Variants in ABI2 observed in about 807,000 individuals in gnomAD.
ABI2 encodes abelson interactor 2.
Under a neutral mutation model 59.2 loss-of-function variants are expected in ABI2, and 25 were observed. The observed-to-expected ratio is 0.42, with a 90% confidence interval of 0.31 to 0.59. The LOEUF is 0.59. ABI2 is among the 20% of genes least tolerant of loss of function. The pLI is 0.14. For missense variants in ABI2, 545 were observed against 681.8 expected, an observed-to-expected ratio of 0.80 and a Z score of 2.23; for synonymous variants, 213 against 235.5, an observed-to-expected ratio of 0.90 and a Z score of 0.87.
At chr2:203,341,896 T>C (rs2080144155) in intron 1 of ABI2, among the ~76,000 whole-genome samples, 1 of 152,186 alleles carries the variant, frequency 6.6e-6, no homozygotes. Context: ...TTACAGTTAC[T>C]TAGTGCAGGA....
intron 1 of ABI2, among the ~76,000 whole-genome samples, chr2:203,351,318 A>G (rs576904849): frequency 2.6e-5 from 4 of 152,226 alleles, no homozygotes; most frequent in Non-Finnish European, 4.4e-5. Context: ...TGGCTATTCT[A>G]TAGCCCCTGA....
At chr2:203,411,185 T>C (rs1013265282) in intron 9 of ABI2, 100 bp from the exon 10 acceptor site, 6 of 906,132 alleles carry the variant, frequency 6.6e-6, no homozygotes, top group Non-Finnish European at 1.1e-5. Flanking sequence ...TTGTGAATAG[T>C]AGTTTCCCTC....
intron 1 of ABI2, among the ~76,000 whole-genome samples, chr2:203,345,748 A>T (rs1362510601): frequency 6.7e-6 from 1 of 149,776 alleles, no homozygotes; most frequent in Non-Finnish European, 1.5e-5. Context: ...GTTTCACCAC[A>T]TTGGCCAGGC....
At chr2:203,367,246 C>G in intron 2 of ABI2, 1 of 632,004 alleles carries the variant, frequency 1.6e-6, no homozygotes, top group Non-Finnish European at 2.2e-6. Context: ...GAAAGTAAAT[C>G]GTAATGAATT....
intron 11 of ABI2, among the ~76,000 whole-genome samples, chr2:203,420,685 G>A (rs1216052777): frequency 2.0e-5 from 3 of 152,068 alleles, no homozygotes; most frequent in Admixed American, 6.6e-5. Flanking sequence ...GAGCCACCAC[G>A]CCCAGCCGAC....
intron 4 of ABI2, chr2:203,383,302 G>C (rs1174934354): frequency 1.9e-5 from 3 of 154,722 alleles, no homozygotes; most frequent in Non-Finnish European, 4.4e-5. Context: ...TGGATTGTTG[G>C]TTCCAAATCC....
At chr2:203,342,552 T>TTTTTTTTA (rs1553536730) in intron 1 of ABI2, among the ~76,000 whole-genome samples, 4 of 140,472 alleles carry the variant, frequency 2.8e-5, no homozygotes, top group Non-Finnish European at 3.1e-5. Context: ...CCTCAAAACC[T>TTTTTTTTA]TTTATTTATT....
At chr2:203,397,029 C>T (rs1306196153) in intron 8 of ABI2, 62 bp downstream of exon 8, 35 of 1,294,828 alleles carry the variant, frequency 2.7e-5, no homozygotes, top group Non-Finnish European at 3.0e-5. Context: ...CTTACTTGCA[C>T]CTCTGATTTT....
chr2:203,336,697 T>C (rs1194400527), intron 1 of ABI2, among the ~76,000 whole-genome samples: 7 of 152,186 alleles, frequency 4.6e-5, no homozygotes, highest in Non-Finnish European at 1.0e-4. Flanking sequence ...ACACAAGGGC[T>C]GTATCTTTTA....
intron 8 of ABI2, 36 bp downstream of exon 8, chr2:203,397,003 G>T: frequency 7.4e-7 from 1 of 1,352,682 alleles, no homozygotes; most frequent in Non-Finnish European, 9.5e-7. Flanking sequence ...GGCAGATGCA[G>T]TCATCTGGCT....
intron 11 of ABI2, among the ~76,000 whole-genome samples, chr2:203,419,066 G>A (rs2098053558): frequency 6.8e-6 from 1 of 146,562 alleles, no homozygotes; most frequent in African/African-American, 2.5e-5. Flanking sequence ...TCAACCCAGT[G>A]TTCTTTACTT....
At chr2:203,395,143 G>A in intron 6 of ABI2, 3 of 701,750 alleles carry the variant, frequency 4.3e-6, no homozygotes, top group South Asian at 1.5e-5. Flanking sequence ...TTTTTTGGTG[G>A]AACTTTACAG....
At chr2:203,346,784 C>G (rs538305439) in intron 1 of ABI2, among the ~76,000 whole-genome samples, 4 of 152,098 alleles carry the variant, frequency 2.6e-5, no homozygotes, top group African/African-American at 4.8e-5. Flanking sequence ...AAATAATAAC[C>G]TGTGGCCAAA....
chr2:203,371,709 C>G (rs535591242), intron 2 of ABI2, among the ~76,000 whole-genome samples: 1 of 152,098 alleles, frequency 6.6e-6, no homozygotes, highest in East Asian at 1.9e-4. Context: ...CTTATCAGAG[C>G]AAACATGTAA....
At chr2:203,364,671 TGACTA>T (rs1421195459) in intron 1 of ABI2, among the ~76,000 whole-genome samples, 1 of 152,152 alleles carries the variant, frequency 6.6e-6, no homozygotes, top group Admixed American at 6.5e-5. Flanking sequence ...TCCTTATAGT[TGACTA>T]GGATAGAATA....
At chr2:203,345,609 G>A (rs1056812202) in intron 1 of ABI2, among the ~76,000 whole-genome samples, 4 of 151,826 alleles carry the variant, frequency 2.6e-5, no homozygotes, top group Non-Finnish European at 5.9e-5. Flanking sequence ...GGGTTTCACC[G>A]TCTTGGCCAG....
At chr2:203,350,124 G>A (rs1035688559) in intron 1 of ABI2, among the ~76,000 whole-genome samples, 1 of 152,066 alleles carries the variant, frequency 6.6e-6, no homozygotes. Flanking sequence ...TCACCTAGGC[G>A]GGAGTGCAGT....
At chr2:203,339,889 C>T (rs2078876049) in intron 1 of ABI2, among the ~76,000 whole-genome samples, 1 of 152,204 alleles carries the variant, frequency 6.6e-6, no homozygotes, top group African/African-American at 2.4e-5. Flanking sequence ...ATACTCAAAT[C>T]CTGCAGTCAC....
intron 9 of ABI2, among the ~76,000 whole-genome samples, chr2:203,407,296 T>A (rs2097466812): frequency 6.6e-6 from 1 of 152,214 alleles, no homozygotes; most frequent in Admixed American, 6.5e-5. Flanking sequence ...TTACACATTG[T>A]TTATTTCCTT....
Sources: gnomAD v4.1 joint callset for allele counts (sites outside exome capture counted in the v4.1 genomes callset) on GRCh38, gnomAD v4.1.1 for gene constraint, MANE v1.5 for transcripts, NCBI Gene and HGNC (gene_info 2026-07-23, HGNC 2026-07-21) for gene names.